The following IP6K3 variants were observed in gnomAD, a reference collection of about 807,000 sequenced individuals.
IP6K3 encodes inositol hexakisphosphate kinase 3, also known as ATP:1D-myo-inositol-hexakisphosphate phosphotransferase.
In IP6K3, 20 loss-of-function variants were observed where a neutral mutation model predicts 28.8. The observed-to-expected ratio is 0.70, with a 90% confidence interval of 0.49 to 1.01. The LOEUF is 1.01. Among genes scored for constraint, IP6K3 ranks in the 50% least tolerant of loss-of-function variants. The pLI is 0.00. For synonymous variants in IP6K3, 213 were observed against 221.3 expected (o/e 0.96, Z 0.33); for missense variants, 480 against 537.1 (o/e 0.89, Z 1.05).
chr6:33,740,755 C>G (rs1766692098), intron 1 of IP6K3, among the ~76,000 whole-genome samples: 2 of 152,230 alleles, frequency 1.3e-5, no homozygotes, highest in South Asian at 4.1e-4. Context: ...AACCGCTTTC[C>G]ACATGCTAAA....
chr6:33,722,479 T>TAG lies in IP6K3; in HGVS notation c.*240_*241insCT. 2.7e-5 allele frequency: 10 copies of TAG among 366,898 alleles called. No homozygotes were observed. The highest frequency in any genetic ancestry group is 1.3e-4 in the Admixed American group (3 of 23,254). The allele number at this position is 366,898 out of a possible 1,614,324, so 22.7% of individuals were successfully genotyped here. On this transcript the variant is annotated 3_prime_UTR_variant, in exon 6 of 6. Transcript: ENST00000293756. ...CAGTGTACTCCAGAAGGTGCCACTT[T>TAG]ATCCTGGCTGTCTGTTCTCCGATGA...
chr6:33,757,008 AC>A, the IP6K3 span, among the ~76,000 whole-genome samples: 1 of 152,220 alleles, frequency 6.6e-6, no homozygotes, highest in Non-Finnish European at 1.5e-5. Flanking sequence ...TCTTCACTGC[AC>A]TGCTGCTCGC....
upstream of IP6K3, among the ~76,000 whole-genome samples, chr6:33,748,388 G>A (rs1030418127): frequency 3.3e-5 from 5 of 151,924 alleles, no homozygotes; most frequent in Non-Finnish European, 5.9e-5. Context: ...GCCCTCACCC[G>A]CCAGCCATTG....
At chr6:33,753,865 G>A in the IP6K3 span, among the ~76,000 whole-genome samples, 4 of 152,000 alleles carry the variant, frequency 2.6e-5, no homozygotes, top group Non-Finnish European at 5.9e-5. Context: ...CTGGAGTGCA[G>A]TGGCGCGATC....
chr6:33,727,358 C>T (rs1440941905), intron 3 of IP6K3, among the ~76,000 whole-genome samples: 1 of 152,154 alleles, frequency 6.6e-6, no homozygotes, highest in Non-Finnish European at 1.5e-5. Context: ...TGAGCGTGGA[C>T]AGCGGCCGGC....
At chr6:33,735,763 C>T in intron 1 of IP6K3, 108 bp from the exon 2 acceptor site, 1 of 522,482 alleles carries the variant, frequency 1.9e-6, no homozygotes, top group Admixed American at 3.7e-5. Context: ...AGGTTCCTCA[C>T]TGGTACCTTA....
At chr6:33,759,103 G>A in the IP6K3 span, among the ~76,000 whole-genome samples, 1 of 152,152 alleles carries the variant, frequency 6.6e-6, no homozygotes, top group Non-Finnish European at 1.5e-5. Context: ...TACAATCTTT[G>A]CTAAGTCAAT....
chr6:33,756,265 G>A, the IP6K3 span, among the ~76,000 whole-genome samples: 1 of 152,240 alleles, frequency 6.6e-6, no homozygotes, highest in Admixed American at 6.5e-5. Context: ...GGGTTTCAGT[G>A]TTAAATAAGC....
the IP6K3 span, among the ~76,000 whole-genome samples, chr6:33,759,561 TA>T: frequency 2.0e-5 from 3 of 152,000 alleles, no homozygotes; most frequent in Non-Finnish European, 2.9e-5. Context: ...CTTATCTTTT[TA>T]AAAAAAGAAG....
chr6:33,758,879 G>A, the IP6K3 span, among the ~76,000 whole-genome samples: 14 of 152,304 alleles, frequency 9.2e-5, no homozygotes, highest in East Asian at 1.9e-4. Context: ...GATTACAGGC[G>A]TGAACCACTG....
intron 1 of IP6K3, among the ~76,000 whole-genome samples, chr6:33,740,689 TA>T (rs1332145323): frequency 3.9e-5 from 6 of 152,238 alleles, no homozygotes; most frequent in Non-Finnish European, 8.8e-5. Context: ...AAGGGCATCA[TA>T]ACTTGTCACA....
At chr6:33,725,359 T>C in intron 5 of IP6K3, 82 bp downstream of exon 5, 1 of 1,390,462 alleles carries the variant, frequency 7.2e-7, no homozygotes, top group African/African-American at 1.4e-5. Context: ...AGGGGGGCAG[T>C]GGCATCTGGA....
the IP6K3 span, among the ~76,000 whole-genome samples, chr6:33,760,312 G>A: frequency 3.3e-5 from 5 of 152,208 alleles, no homozygotes; most frequent in African/African-American, 4.8e-5. Flanking sequence ...AGGGTCTTAT[G>A]TTTCCCAGGT....
chr6:33,746,986 T>C (rs1006174987), upstream of IP6K3: 6 of 152,422 alleles, frequency 3.9e-5, no homozygotes, highest in Non-Finnish European at 7.3e-5. This position sits in a 1 kb window ranked among gnomAD's most constrained non-coding sequence, Gnocchi z 6.5. Context: ...GGGACTGGCA[T>C]GTCCAGCTGT....
At chr6:33,731,975 C>T (rs1461889670) in intron 2 of IP6K3, among the ~76,000 whole-genome samples, 1 of 152,240 alleles carries the variant, frequency 6.6e-6, no homozygotes, top group Non-Finnish European at 1.5e-5. Flanking sequence ...AACTGGCATG[C>T]CCAGAGCATC....
At chr6:33,734,722 A>C (rs948752635) in intron 2 of IP6K3, among the ~76,000 whole-genome samples, 1 of 152,332 alleles carries the variant, frequency 6.6e-6, no homozygotes. Context: ...CTCAGATCCA[A>C]GACACATGCT....
intron 1 of IP6K3, among the ~76,000 whole-genome samples, chr6:33,745,227 G>A (rs567899035): frequency 6.6e-6 from 1 of 152,356 alleles, no homozygotes; most frequent in South Asian, 2.1e-4. Context: ...CCGGGTTTCT[G>A]CCTGGGAAGG....
intron 1 of IP6K3, among the ~76,000 whole-genome samples, chr6:33,743,188 A>G (rs908819301): frequency 1.3e-5 from 2 of 152,232 alleles, no homozygotes; most frequent in African/African-American, 2.4e-5. Context: ...AAGGTGCTGA[A>G]GCCTTCGGGA....
chr6:33,751,893 GGGA>G (rs1176546078), upstream of IP6K3, among the ~76,000 whole-genome samples: 5 of 152,204 alleles, frequency 3.3e-5, no homozygotes, highest in Non-Finnish European at 2.9e-5. The surrounding 1 kb of genome is among the most constrained non-coding windows in gnomAD (Gnocchi z 4.3). Context: ...CTGGGAGGAG[GGGA>G]GGAGATGACT....
Sources: allele counts gnomAD v4.1 joint callset (sites outside exome capture counted in the v4.1 genomes callset), GRCh38; gene constraint gnomAD v4.1.1; non-coding constraint Gnocchi (gnomAD v3.1); transcripts MANE v1.5; gene names NCBI Gene and HGNC (gene_info 2026-07-23, HGNC 2026-07-21).